MAP2: variants seen among roughly 807,000 people sequenced by gnomAD.
MAP2 encodes microtubule associated protein 2, also known as microtubule-associated protein 2.
MAP2 carries 14 observed loss-of-function variants against 137.6 expected under a neutral mutation model. That is an observed-to-expected ratio of 0.10 (90% CI 0.07 to 0.16). The LOEUF (loss-of-function observed/expected upper bound fraction) is 0.16, where lower values mean the gene tolerates loss of function less well. Ranked by LOEUF, MAP2 falls within the 10% of genes least tolerant of loss-of-function variation. The probability of loss-of-function intolerance (pLI) is 1.00; values close to 1 mark genes in which losing one functional copy is unlikely to be tolerated. For synonymous variants in MAP2, 786 were observed against 782.3 expected (o/e 1.00, Z -0.08); for missense variants, 2,088 against 2,191.5 (o/e 0.95, Z 0.94).
At chr2:209,434,865 ATATATATGT>A (rs1253302534) in intron 1 of MAP2, among the ~76,000 whole-genome samples, 5,878 of 110,250 alleles carry the variant, frequency 0.053, 277 homozygotes, top group Non-Finnish European at 0.076. Flanking sequence ...TATATATGTT[ATATATATGT>A]TATATATATG....
intron 1 of MAP2, among the ~76,000 whole-genome samples, chr2:209,486,564 C>A (rs2058410658): frequency 6.6e-6 from 1 of 152,142 alleles, no homozygotes; most frequent in African/African-American, 2.4e-5. Flanking sequence ...GCAGATATGT[C>A]TCGGTTCACA....
intron 1 of MAP2, among the ~76,000 whole-genome samples, chr2:209,435,980 A>G (rs1695959561): frequency 9.4e-6 from 1 of 106,294 alleles, no homozygotes; most frequent in African/African-American, 6.0e-5. Flanking sequence ...TATAATATAT[A>G]CAGTATATAT....
At chr2:209,543,931 T>A (rs114083112) in intron 2 of MAP2, among the ~76,000 whole-genome samples, 4,115 of 152,164 alleles carry the variant, frequency 0.027, 193 homozygotes, top group African/African-American at 0.094. Context: ...TATCTTTTTT[T>A]AAAAAGGAAA....
chr2:209,643,049 G>T (rs1207107422), intron 4 of MAP2, among the ~76,000 whole-genome samples: 1 of 152,174 alleles, frequency 6.6e-6, no homozygotes, highest in African/African-American at 2.4e-5. Context: ...TTCATCTGTG[G>T]ATATGTAGCA....
intron 2 of MAP2, chr2:209,579,619 G>C (rs569940455): frequency 6.6e-6 from 1 of 152,330 alleles, no homozygotes; most frequent in African/African-American, 2.4e-5. Context: ...ACACAGACAC[G>C]AGCTGGTGGC....
chr2:209,502,940 A>T (rs2060561167), intron 1 of MAP2, among the ~76,000 whole-genome samples: 1 of 141,342 alleles, frequency 7.1e-6, no homozygotes, highest in African/African-American at 2.6e-5. Context: ...GGTTATTTTT[A>T]TTTATTTGCT....
At chr2:209,613,051 A>T (rs1056596970) in intron 3 of MAP2, among the ~76,000 whole-genome samples, 4 of 152,116 alleles carry the variant, frequency 2.6e-5, no homozygotes, top group Admixed American at 2.0e-4. Flanking sequence ...CTTCTATTAG[A>T]TCAGGTTCTC....
intron 3 of MAP2, among the ~76,000 whole-genome samples, chr2:209,613,820 A>C (rs2087944847): frequency 6.6e-6 from 1 of 152,294 alleles, no homozygotes; most frequent in South Asian, 2.1e-4. Flanking sequence ...TGCAAATACC[A>C]AAGGTAGCTG....
chr2:209,705,902 G>T (rs1476490470), intron 12 of MAP2, among the ~76,000 whole-genome samples, 175 bp downstream of exon 12: 1 of 152,104 alleles, frequency 6.6e-6, no homozygotes, highest in Non-Finnish European at 1.5e-5. Context: ...AGCTGTTTGA[G>T]TAAAAACAAC....
chr2:209,551,645 T>A (rs1376327103), intron 2 of MAP2, among the ~76,000 whole-genome samples: 2 of 152,150 alleles, frequency 1.3e-5, no homozygotes, highest in African/African-American at 2.4e-5. Context: ...TTTTAAAGAT[T>A]AGCAATCTGG....
intron 2 of MAP2, among the ~76,000 whole-genome samples, chr2:209,522,650 G>T (rs780775727): frequency 6.6e-6 from 1 of 152,112 alleles, no homozygotes; most frequent in Non-Finnish European, 1.5e-5. Flanking sequence ...CAGTTGTAAG[G>T]ACGTGGCCTA....
chr2:209,455,829 C>T (rs1198661144), intron 1 of MAP2, among the ~76,000 whole-genome samples: 1 of 152,130 alleles, frequency 6.6e-6, no homozygotes, highest in African/African-American at 2.4e-5. Flanking sequence ...GGCTCTACAC[C>T]TTACTGACTG....
chr2:209,443,375 G>A (rs966490588), intron 1 of MAP2, among the ~76,000 whole-genome samples: 2 of 151,524 alleles, frequency 1.3e-5, no homozygotes, highest in African/African-American at 4.8e-5. Flanking sequence ...CATATACTAT[G>A]TACTGAATAA....
At chr2:209,545,249 T>G (rs1356306084) in intron 2 of MAP2, among the ~76,000 whole-genome samples, 1 of 152,196 alleles carries the variant, frequency 6.6e-6, no homozygotes, top group Non-Finnish European at 1.5e-5. Flanking sequence ...CATCTGTCTG[T>G]GCTTAAGATT....
Position 209,693,375 on chromosome 2 carries a change from A to T in MAP2, c.1205A>T (p.His402Leu), listed in dbSNP as rs2059431089. The change falls in exon 8 of 16, where the codon CAT (histidine) becomes CTT (leucine). Residue 402 changes from histidine (H) to leucine (L), a missense_variant. By Grantham distance (99) the His-to-Leu change is moderately conservative. Transcript: ENST00000682079. ...KDAHIPVVEE[H>L]VMGKVLEEEK... ...GCTCACATTCCAGTTGTAGAAGAAC[A>T]TGTTATGGGGAAAGTTTTAGAGGAA... The T allele has an allele frequency of 1.2e-6, 2 of 1,611,606 alleles. No individual in the cohort carries two copies. Among genetic ancestry groups the T allele is most frequent in the Non-Finnish European group, 1.7e-6 (2 of 1,179,494 alleles).
intron 3 of MAP2, among the ~76,000 whole-genome samples, chr2:209,618,743 A>C (rs2090288971): frequency 6.6e-6 from 1 of 152,170 alleles, no homozygotes. Context: ...AAAAATTAAA[A>C]ATAGAACTAC....
intron 3 of MAP2, among the ~76,000 whole-genome samples, chr2:209,589,603 A>G (rs936973609): frequency 6.6e-6 from 1 of 152,218 alleles, no homozygotes. Context: ...ACTAGTAAAA[A>G]TAGCACAGTC....
chr2:209,593,960 C>T (rs1426781132), intron 3 of MAP2, among the ~76,000 whole-genome samples: 2 of 112,284 alleles, frequency 1.8e-5, no homozygotes, highest in Admixed American at 2.1e-4. Context: ...TATATACACA[C>T]ACATATTTTA....
intron 1 of MAP2, among the ~76,000 whole-genome samples, chr2:209,492,330 A>G (rs566102069): frequency 2.0e-5 from 3 of 152,358 alleles, no homozygotes; most frequent in Admixed American, 2.0e-4. Flanking sequence ...CACAGCCAGT[A>G]TCACACTGAA....
Sources: gnomAD v4.1 joint callset for allele counts (sites outside exome capture counted in the v4.1 genomes callset) on GRCh38, gnomAD v4.1.1 for gene constraint, MANE v1.5 for transcripts, NCBI Gene and HGNC (gene_info 2026-07-23, HGNC 2026-07-21) for gene names.